Variants in OSBPL2 observed in about 807,000 individuals in gnomAD.
OSBPL2 encodes the protein oxysterol-binding protein-related protein 2.
Under a neutral mutation model 58.4 loss-of-function variants are expected in OSBPL2, and 18 were observed. That is an observed-to-expected ratio of 0.31 (90% CI 0.21 to 0.46). The LOEUF (loss-of-function observed/expected upper bound fraction) is 0.46. Among genes scored for constraint, OSBPL2 ranks in the 20% least tolerant of loss-of-function variants. OSBPL2 has a pLI of 1.00. For missense variants in OSBPL2, 461 were observed against 616.5 expected, an observed-to-expected ratio of 0.75 and a Z score of 2.67; for synonymous variants, 221 against 234.1, an observed-to-expected ratio of 0.94 and a Z score of 0.51.
At chr20:62,254,313 C>T (rs1980777042) in intron 1 of OSBPL2, among the ~76,000 whole-genome samples, 1 of 152,206 alleles carries the variant, frequency 6.6e-6, no homozygotes, top group South Asian at 2.1e-4. Flanking sequence ...CAAGAGGAGC[C>T]CAGTCCTGGA....
intron 9 of OSBPL2, among the ~76,000 whole-genome samples, chr20:62,283,163 C>T (rs984653315): frequency 1.3e-5 from 2 of 152,066 alleles, no homozygotes; most frequent in African/African-American, 4.8e-5. Context: ...GCAGGGACCC[C>T]GAGGCCAGAC....
chr20:62,256,976 G>A (rs1272587389), intron 2 of OSBPL2, among the ~76,000 whole-genome samples: 1 of 152,266 alleles, frequency 6.6e-6, no homozygotes, highest in Non-Finnish European at 1.5e-5. Context: ...CATTGCTGGT[G>A]GGAAGGGGCA....
chr20:62,245,948 G>T (rs189673221), intron 1 of OSBPL2, among the ~76,000 whole-genome samples: 2 of 152,246 alleles, frequency 1.3e-5, no homozygotes, highest in Non-Finnish European at 2.9e-5. Context: ...GAGCACAGAC[G>T]GAGCAATCCA....
rs553151394 is a variant in OSBPL2 at position 62,293,703 on chromosome 20, AAC to A, written c.1341-77_1341-76del. ...TACCGTGATGGTGCTGAGTTGGGGG[AAC>A]ACACTCCTGCACCCAGAACAGGGCT... is the stretch of plus-strand genomic sequence containing the variant. On this transcript the variant is annotated intron_variant, in intron 13 of 13. Coordinates refer to ENST00000313733, the MANE Select transcript of OSBPL2 (RefSeq NM_144498.4). 7.2e-5 allele frequency: 88 copies of A among 1,226,582 alleles called. No individual in the cohort carries two copies. In the East Asian group the frequency reaches 2.2e-3, roughly 31 times the overall value. The allele number at this position is 1,226,582 out of a possible 1,614,324, so 76.0% of individuals were successfully genotyped here.
At chr20:62,283,749 G>A (rs964228446) in intron 9 of OSBPL2, among the ~76,000 whole-genome samples, 6 of 151,956 alleles carry the variant, frequency 3.9e-5, no homozygotes, top group African/African-American at 4.8e-5. Flanking sequence ...ATCCCTTCCC[G>A]TCTCCTGCAG....
chr20:62,281,781 T>C lies in OSBPL2; in HGVS notation c.783-9T>C, dbSNP rs1372090858. ...TTGCAGCAGAAACCTGTGTTTGTTT[T>C]TCTCACAGAACTGGACATAAGTGTG... On this transcript the variant is annotated splice_polypyrimidine_tract_variant and intron_variant, in intron 8 of 13. Coordinates refer to ENST00000313733, the MANE Select transcript of OSBPL2 (RefSeq NM_144498.4). 6.3e-7 allele frequency: 1 copy of C among 1,594,300 alleles called. No individual in the cohort carries two copies. Among genetic ancestry groups the C allele is most frequent in the East Asian group, 2.3e-5 (1 of 44,390 alleles).
In OSBPL2 at chr20:62,291,762, C is replaced by A; in HGVS notation, c.1309C>A (p.Arg437=). ...EEKQREARRE[R]AKEEAEWQTR... Reference sequence around the variant, plus strand: ...GAAGCAGAGAGAAGCACGGAGGGAGCGGGCCAAGGAGGAGGCAGAGTGGCA... The same window carrying A: ...GAAGCAGAGAGAAGCACGGAGGGAGAGGGCCAAGGAGGAGGCAGAGTGGCA... Residue 437 remains arginine (R), a synonymous_variant, in exon 13 of 14, where the codon CGG becomes AGG. Transcript: ENST00000313733. 6.2e-7 allele frequency: 1 copy of A among 1,608,914 alleles called. No individual in the cohort carries two copies. The highest frequency in any genetic ancestry group is 1.1e-5 in the South Asian group (1 of 90,976).
chr20:62,262,679 C>T lies in OSBPL2; in HGVS notation c.183-937C>T, dbSNP rs141198512. ...GTGTGCCCTGACCCAGCTGCCCTGA[C>T]GTGGCATTCCCGGGGCATAGCTCGG... is the stretch of plus-strand genomic sequence containing the variant. On this transcript the variant is annotated intron_variant, in intron 3 of 13. Transcript: ENST00000313733. Among the ~76,000 whole-genome samples, 59 of 152,330 alleles carry T rather than the reference C, an allele frequency of 3.9e-4. No homozygotes were observed. In the East Asian group the frequency reaches 6.0e-3, roughly 15 times the overall value.
intron 1 of OSBPL2, among the ~76,000 whole-genome samples, chr20:62,243,296 C>T (rs747299388): frequency 6.6e-6 from 1 of 152,208 alleles, no homozygotes; most frequent in Non-Finnish European, 1.5e-5. Flanking sequence ...CTGTAATCAT[C>T]ACCCGTCTTC....
chr20:62,273,730 G>A (rs1404750977), intron 6 of OSBPL2, among the ~76,000 whole-genome samples: 1 of 152,210 alleles, frequency 6.6e-6, no homozygotes, highest in Admixed American at 6.5e-5. Flanking sequence ...ATTGTTGTGA[G>A]CTTCACCGAA....
intron 11 of OSBPL2, 152 bp downstream of exon 11, chr20:62,286,863 C>T (rs1601199947): frequency 8.7e-6 from 8 of 922,590 alleles, no homozygotes; most frequent in East Asian, 2.6e-5. Context: ...CCGCCATTGT[C>T]GGAGTGGCTT....
At position 62,240,461 on chromosome 20, in the gene OSBPL2, G is replaced by C. The variant is rs1003058394; in HGVS notation, c.-129+1864G>C. ...CATGTCGTATTCACTTTCTTTGTGT[G>C]ATCTTCACAACAGTCCACTGGGCAG... On this transcript the variant is annotated intron_variant, in intron 1 of 13. Transcript: ENST00000313733. Among the ~76,000 whole-genome samples the C allele has an allele frequency of 9.9e-5, 15 of 152,158 alleles. No individual in the cohort carries two copies. The South Asian group carries it at 1.2e-3, about 13-fold the overall frequency.
chr20:62,254,260 A>G (rs1450913596), intron 1 of OSBPL2, among the ~76,000 whole-genome samples: 2 of 152,114 alleles, frequency 1.3e-5, no homozygotes, highest in Non-Finnish European at 2.9e-5. Context: ...TTCCAACTCT[A>G]CACCCCAGTC....
At chr20:62,293,130 T>G (rs984947391) in intron 13 of OSBPL2, among the ~76,000 whole-genome samples, 3 of 152,110 alleles carry the variant, frequency 2.0e-5, no homozygotes, top group African/African-American at 7.2e-5. Context: ...CCCAAAGTGC[T>G]GGAATTACGG....
chr20:62,238,904 G>C (rs1297923972), intron 1 of OSBPL2: 1 of 149,830 alleles, frequency 6.7e-6, no homozygotes, highest in African/African-American at 2.4e-5. Flanking sequence ...CGGCAACTGC[G>C]ATCCCGGGAC....
intron 6 of OSBPL2, among the ~76,000 whole-genome samples, chr20:62,274,982 T>C (rs1601184367): frequency 1.3e-5 from 2 of 152,226 alleles, no homozygotes. Flanking sequence ...TTTTTTTAAT[T>C]ACGAGAGAGT....
intron 1 of OSBPL2, chr20:62,242,765 A>G (rs1245548689): frequency 6.6e-6 from 1 of 152,378 alleles, no homozygotes; most frequent in African/African-American, 2.4e-5. Flanking sequence ...CTGAGCAGAC[A>G]CTGAGCACAT....
chr20:62,289,335 G>A lies in OSBPL2; in HGVS notation c.1249+5G>A, dbSNP rs2145978257. 2 of 1,611,136 alleles carry A rather than the reference G, an allele frequency of 1.2e-6. No individual in the cohort carries two copies. Among genetic ancestry groups the A allele is most frequent in the Non-Finnish European group, 1.7e-6 (2 of 1,178,522 alleles). On this transcript the variant is annotated splice_donor_5th_base_variant and intron_variant, in intron 12 of 13. Coordinates refer to ENST00000313733, the MANE Select transcript of OSBPL2 (RefSeq NM_144498.4). Reference sequence around the variant, plus strand: ...GCATGGAGAATGGCAACATGGGTGCGTCCACGCAGTCAGAGGAGGAAGCTT... The same window carrying A: ...GCATGGAGAATGGCAACATGGGTGCATCCACGCAGTCAGAGGAGGAAGCTT...
chr20:62,276,300 G>A (rs1046632473), intron 6 of OSBPL2, among the ~76,000 whole-genome samples: 1 of 152,246 alleles, frequency 6.6e-6, no homozygotes, highest in Non-Finnish European at 1.5e-5. Context: ...TGTGTAAAGA[G>A]TTTAAAAGTG....
Sources: allele counts gnomAD v4.1 joint callset (sites outside exome capture counted in the v4.1 genomes callset), GRCh38; gene constraint gnomAD v4.1.1; transcripts MANE v1.5; gene names NCBI Gene and HGNC (gene_info 2026-07-23, HGNC 2026-07-21).